HS2ST1: variants seen among roughly 807,000 people sequenced by gnomAD.
HS2ST1 encodes 2-O-sulfotransferase.
Under a neutral mutation model 42.9 loss-of-function variants are expected in HS2ST1, and 18 were observed. The ratio of observed to expected loss-of-function variants is 0.42; its 90% CI spans 0.29 to 0.62. HS2ST1 has a LOEUF of 0.62. Among genes scored for constraint, HS2ST1 ranks in the 20% least tolerant of loss-of-function variants. The pLI is 0.21. For missense variants in HS2ST1, 334 were observed against 433.8 expected, an observed-to-expected ratio of 0.77 and a Z score of 2.04; for synonymous variants, 146 against 152.9, an observed-to-expected ratio of 0.95 and a Z score of 0.33.
chr1:87,079,123 T>C (rs552542684), intron 2 of HS2ST1, among the ~76,000 whole-genome samples: 38 of 127,636 alleles, frequency 3.0e-4, no homozygotes, highest in African/African-American at 9.8e-4. Flanking sequence ...CAGCAGTATG[T>C]AAATGATACT....
intron 1 of HS2ST1, among the ~76,000 whole-genome samples, chr1:87,013,270 C>G (rs1649655822): frequency 6.6e-6 from 1 of 152,250 alleles, no homozygotes; most frequent in South Asian, 2.1e-4. Context: ...CATTTCCATA[C>G]AACCTCTGAA....
intron 1 of HS2ST1, among the ~76,000 whole-genome samples, chr1:86,924,734 C>A (rs1480620042): frequency 6.6e-6 from 1 of 152,162 alleles, no homozygotes; most frequent in Non-Finnish European, 1.5e-5. Context: ...CTAGGTTGCA[C>A]ATAGCACGGG....
At chr1:86,964,231 G>C (rs1449150853) in intron 1 of HS2ST1, among the ~76,000 whole-genome samples, 2 of 152,114 alleles carry the variant, frequency 1.3e-5, no homozygotes, top group African/African-American at 4.8e-5. Flanking sequence ...CTTCCCAGAC[G>C]GGGTGGCGGC....
chr1:87,006,869 G>C (rs1481398267), intron 1 of HS2ST1, among the ~76,000 whole-genome samples: 1 of 152,042 alleles, frequency 6.6e-6, no homozygotes, highest in Non-Finnish European at 1.5e-5. Context: ...AGAGCGATAA[G>C]GACAAGTCAC....
chr1:87,080,031 CAG>C (rs1236498237), intron 2 of HS2ST1, among the ~76,000 whole-genome samples: 1 of 151,998 alleles, frequency 6.6e-6, no homozygotes, highest in Non-Finnish European at 1.5e-5. Flanking sequence ...GCATGAGTGA[CAG>C]AATGAGATTC....
At chr1:87,043,759 A>G (rs1180654424) in intron 1 of HS2ST1, among the ~76,000 whole-genome samples, 2 of 152,142 alleles carry the variant, frequency 1.3e-5, no homozygotes, top group African/African-American at 2.4e-5. Context: ...AAGCCTTTCC[A>G]TATATCAGCT....
chr1:87,010,013 C>T (rs527649817), intron 1 of HS2ST1, among the ~76,000 whole-genome samples: 131 of 149,440 alleles, frequency 8.8e-4, no homozygotes, highest in African/African-American at 3.0e-3. Flanking sequence ...CCAGCCTGGG[C>T]GACAAAGGGA....
At position 87,107,770 on chromosome 1, in the gene HS2ST1, C is replaced by A. The variant is rs1652358922; in HGVS notation, c.*3074C>A. The A allele has an allele frequency of 6.6e-6, 1 of 151,850 alleles. No homozygotes were observed. Among genetic ancestry groups the A allele is most frequent in the African/African-American group, 2.4e-5 (1 of 41,376 alleles). The allele number at this position is 151,850 out of a possible 1,614,324, so 9.4% of individuals were successfully genotyped here. A position where few individuals can be genotyped will look rare whatever the true frequency, so the allele number is the denominator to read the frequency against. ...TAAATTATTGTGATTGTTTTAAAAT[C>A]TAATGGGAAGTAAAATATATTTTGA... On this transcript the variant is annotated 3_prime_UTR_variant, in exon 7 of 7. Coordinates refer to ENST00000370550, the MANE Select transcript of HS2ST1 (RefSeq NM_012262.4).
intron 1 of HS2ST1, among the ~76,000 whole-genome samples, chr1:86,919,834 A>T (rs1260006305): frequency 6.6e-6 from 1 of 152,222 alleles, no homozygotes; most frequent in Non-Finnish European, 1.5e-5. Flanking sequence ...ACCTGTGAAA[A>T]AGAGAAGTTT....
chr1:87,056,787 A>G (rs972431497), intron 1 of HS2ST1, among the ~76,000 whole-genome samples: 2 of 152,192 alleles, frequency 1.3e-5, no homozygotes, highest in East Asian at 1.9e-4. Flanking sequence ...TTTTCAAATG[A>G]CAGTGCAAAG....
intron 1 of HS2ST1, among the ~76,000 whole-genome samples, chr1:87,003,460 T>C (rs1469321213): frequency 1.3e-5 from 2 of 152,226 alleles, no homozygotes; most frequent in Non-Finnish European, 2.9e-5. Context: ...GTTCAGTGCT[T>C]ACGTTACCAT....
At position 87,077,751 on chromosome 1, in the gene HS2ST1, A is replaced by G. The variant is rs112059108; in HGVS notation, c.363+4579A>G. ...TACATTTTTTGTTAAATAAATGATGAATGAATGAACAAATGGACCAACATA... is the reference window on the plus strand; with the variant it reads ...TACATTTTTTGTTAAATAAATGATGGATGAATGAACAAATGGACCAACATA... On this transcript the variant is annotated intron_variant, in intron 2 of 6. Coordinates refer to ENST00000370550, the MANE Select transcript of HS2ST1 (RefSeq NM_012262.4). 3.1e-3 allele frequency among the ~76,000 whole-genome samples: 478 copies of G among 152,338 alleles called. 2 individuals are homozygous for G. Among genetic ancestry groups the G allele is most frequent in the African/African-American group, 0.011 (457 of 41,574 alleles).
At chr1:87,015,528 T>G (rs1318573912) in intron 1 of HS2ST1, among the ~76,000 whole-genome samples, 1 of 151,100 alleles carries the variant, frequency 6.6e-6, no homozygotes, top group African/African-American at 2.4e-5. Context: ...GTATTTTTAG[T>G]GGAGACAGGG....
chr1:86,963,800 C>T lies in HS2ST1; in HGVS notation c.124+48640C>T, dbSNP rs1162220738. On this transcript the variant is annotated intron_variant, in intron 1 of 6. Transcript: ENST00000370550. ...TGGCCGGGTGGGGGCTGGCCCCCAC[C>T]TCCCCCCCTGGACGGGGCGGCTGGC... Among the ~76,000 whole-genome samples, 261 of 138,526 alleles carry T rather than the reference C, an allele frequency of 1.9e-3. 1 individual carries two copies. The highest frequency in any genetic ancestry group is 7.4e-3 in the African/African-American group (247 of 33,404). 90.9% of individuals were successfully genotyped at this position (138,526 alleles called of 152,430 possible).
At chr1:87,007,367 A>T (rs1438809398) in intron 1 of HS2ST1, among the ~76,000 whole-genome samples, 1 of 152,158 alleles carries the variant, frequency 6.6e-6, no homozygotes, top group African/African-American at 2.4e-5. Flanking sequence ...ATGATTAAAA[A>T]TATCTACCAA....
Position 87,077,026 on chromosome 1 carries a change from T to C in HS2ST1, c.363+3854T>C, listed in dbSNP as rs181916977. Among the ~76,000 whole-genome samples, 106 of 152,338 alleles carry C rather than the reference T, an allele frequency of 7.0e-4. 1 individual carries two copies. The highest frequency in any genetic ancestry group is 6.8e-3 in the Middle Eastern group (2 of 294). On this transcript the variant is annotated intron_variant, in intron 2 of 6. Coordinates refer to ENST00000370550, the MANE Select transcript of HS2ST1 (RefSeq NM_012262.4). ...TTTTCTCCACCTATAATGTGTATGC[T>C]AATCACTGGTTAAAATGCAGATTCA...
intron 1 of HS2ST1, among the ~76,000 whole-genome samples, chr1:87,009,669 C>T (rs4606291): frequency 0.77 from 116,474 of 152,060 alleles, 45,555 homozygotes; most frequent in East Asian, 0.97. Flanking sequence ...GCTCTGTACC[C>T]GCTTATTCTG....
rs555688137 is a variant in HS2ST1, at chr1:86,984,242, TAAGA to T, written c.124+69083_124+69086del. Among the ~76,000 whole-genome samples the T allele has an allele frequency of 7.2e-5, 11 of 152,196 alleles. No individual in the cohort carries two copies. The South Asian group carries it at 2.3e-3, about 32-fold the overall frequency. On this transcript the variant is annotated intron_variant, in intron 1 of 6. Transcript: ENST00000370550. ...TATATTTGGAGTGAAAAACAGTTAT[TAAGA>T]GAGAAGCTGAAGGTGATTTCCAATA... is the stretch of plus-strand genomic sequence containing the variant.
rs770969421 is a variant in HS2ST1, at chr1:87,092,673, A to G, written c.588+4A>G. 5.3e-6 allele frequency: 8 copies of G among 1,513,674 alleles called. No individual in the cohort carries two copies. Among genetic ancestry groups the G allele is most frequent in the East Asian group, 2.5e-5 (1 of 39,872 alleles). 93.8% of individuals were successfully genotyped at this position (1,513,674 alleles called of 1,614,324 possible). On this transcript the variant is annotated splice_donor_region_variant and intron_variant, in intron 4 of 6. Transcript: ENST00000370550. ...ACGAAAACAAGGAGACAAAAAGGTA[A>G]TATTTTAGTTTTAAGATTTTTATAA...
Sources: gnomAD v4.1 joint callset for allele counts (sites outside exome capture counted in the v4.1 genomes callset) on GRCh38, gnomAD v4.1.1 for gene constraint, MANE v1.5 for transcripts, NCBI Gene and HGNC (gene_info 2026-07-23, HGNC 2026-07-21) for gene names.